Variants in ZC3H12D observed in about 807,000 individuals in gnomAD.
The protein encoded by ZC3H12D is zinc finger CCCH-type containing 12D.
In ZC3H12D, 11 loss-of-function variants were observed where a neutral mutation model predicts 24.2. That is an observed-to-expected ratio of 0.46 (90% CI 0.29 to 0.75). ZC3H12D has a LOEUF of 0.75. Among genes scored for constraint, ZC3H12D ranks in the 30% least tolerant of loss-of-function variants. The pLI, the probability that ZC3H12D is intolerant of heterozygous loss-of-function variation, is 0.11. For missense variants in ZC3H12D, 740 were observed against 767.7 expected, an observed-to-expected ratio of 0.96 and a Z score of 0.43; for synonymous variants, 333 against 341.8, an observed-to-expected ratio of 0.97 and a Z score of 0.28.
intron 4 of ZC3H12D, among the ~76,000 whole-genome samples, chr6:149,454,283 CATAA>C (rs972332517): frequency 6.6e-6 from 1 of 152,242 alleles, no homozygotes; most frequent in Non-Finnish European, 1.5e-5. Context: ...CCACTTTTTA[CATAA>C]ATACTTTTGT....
At chr6:149,482,225 T>G (rs576553569) in intron 1 of ZC3H12D, among the ~76,000 whole-genome samples, 1 of 152,230 alleles carries the variant, frequency 6.6e-6, no homozygotes, top group South Asian at 2.1e-4. Flanking sequence ...TTAAAACTTC[T>G]AAATACGGAA....
intron 2 of ZC3H12D, among the ~76,000 whole-genome samples, chr6:149,465,932 A>T (rs56383785): frequency 0.36 from 55,104 of 151,718 alleles, 10,532 homozygotes; most frequent in African/African-American, 0.46. Flanking sequence ...GACTGTGAAC[A>T]AGAGGCTGAA....
intron 2 of ZC3H12D, among the ~76,000 whole-genome samples, chr6:149,466,676 G>T (rs1050769507): frequency 6.6e-6 from 1 of 152,158 alleles, no homozygotes; most frequent in Non-Finnish European, 1.5e-5. Context: ...AGGAGTTCGA[G>T]ACCAGCCTAA....
In ZC3H12D at chr6:149,459,215, C is replaced by T. The variant is rs373280166; in HGVS notation, c.446-2315G>A. On this transcript the variant is annotated intron_variant, in intron 3 of 5. Coordinates refer to ENST00000409806, the MANE Select transcript of ZC3H12D (RefSeq NM_207360.3). ...CCCAAAGTAATTTCTCTACTTTTCC[C>T]ACATTATATTTAAGTATTACACTAC... is the stretch of plus-strand genomic sequence containing the variant. 8.5e-5 allele frequency among the ~76,000 whole-genome samples: 13 copies of T among 152,270 alleles called. 1 individual carries two copies. Among genetic ancestry groups the T allele is most frequent in the East Asian group, 5.8e-4 (3 of 5,192 alleles).
chr6:149,475,604 T>C (rs950476811), intron 1 of ZC3H12D, among the ~76,000 whole-genome samples: 1 of 151,940 alleles, frequency 6.6e-6, no homozygotes, highest in South Asian at 2.1e-4. Context: ...TAATCCCAGC[T>C]ACTTTGGAGG....
intron 1 of ZC3H12D, among the ~76,000 whole-genome samples, chr6:149,478,166 C>CAA (rs34745745): frequency 6.9e-5 from 8 of 116,760 alleles, no homozygotes; most frequent in Admixed American, 8.7e-5. Flanking sequence ...GACTCCATCT[C>CAA]AAAAAAAAAA....
chr6:149,457,016 C>G (rs905096383), intron 3 of ZC3H12D, 116 bp from the exon 4 acceptor site: 1 of 1,028,342 alleles, frequency 9.7e-7, no homozygotes, highest in Admixed American at 2.7e-5. Flanking sequence ...TTGAGGGGAG[C>G]GGGGAAAAAA....
rs772859875 is a variant in ZC3H12D, at chr6:149,450,946, G to A, written c.1321C>T (p.Pro441Ser). 9 of 1,537,868 alleles carry A rather than the reference G, an allele frequency of 5.9e-6. No homozygotes were observed. In the South Asian group the frequency reaches 7.2e-5, roughly 12 times the overall value. The change falls in exon 6 of 6, where the codon CCC (proline) becomes TCC (serine). Residue 441 changes from proline to serine, a missense_variant. Coordinates refer to ENST00000409806, the MANE Select transcript of ZC3H12D (RefSeq NM_207360.3). ...RPPDDPWARP[P>S]RSDRFPGRSV... ...CGCCCAGGGAAGCGGTCGGAGCGGG[G>A]TGGACGGGCCCACGGGTCGTCGGGT...
At chr6:149,474,124 C>A in intron 2 of ZC3H12D, 115 bp downstream of exon 2, 1 of 901,028 alleles carries the variant, frequency 1.1e-6, no homozygotes, top group Non-Finnish European at 1.6e-6. Context: ...GATTCAAAGC[C>A]TGATCCGTTG....
intron 2 of ZC3H12D, among the ~76,000 whole-genome samples, chr6:149,466,876 AAAAAT>A (rs149349012): frequency 0.29 from 40,557 of 142,220 alleles, 7,211 homozygotes; most frequent in Non-Finnish European, 0.39. Context: ...ACTCCATCTC[AAAAAT>A]AAAATAAAAT....
In ZC3H12D at chr6:149,446,809, G is replaced by T. The variant is rs1019206157; in HGVS notation, c.*3874C>A. 2 of 152,212 alleles carry T rather than the reference G, an allele frequency of 1.3e-5. No individual in the cohort carries two copies. Among genetic ancestry groups the T allele is most frequent in the African/African-American group, 4.8e-5 (2 of 41,450 alleles). 9.4% of individuals were successfully genotyped at this position (152,212 alleles called of 1,614,324 possible). ...TGAGCTCAATGTCAAACCAAAGCTG[G>T]ATCCATTTTATTTGGAAGAATGCCA... is the stretch of plus-strand genomic sequence containing the variant. On this transcript the variant is annotated 3_prime_UTR_variant, in exon 6 of 6. Coordinates refer to ENST00000409806, the MANE Select transcript of ZC3H12D (RefSeq NM_207360.3).
intron 1 of ZC3H12D, among the ~76,000 whole-genome samples, chr6:149,476,866 C>A (rs914212509): frequency 1.3e-5 from 2 of 152,096 alleles, no homozygotes; most frequent in African/African-American, 4.8e-5. Context: ...TGCTAGTTTA[C>A]CTGTTCTACT....
chr6:149,484,156 C>A (rs577068591), intron 1 of ZC3H12D, among the ~76,000 whole-genome samples: 1 of 152,176 alleles, frequency 6.6e-6, no homozygotes. Flanking sequence ...GGGCACCCCA[C>A]GATTGGCATT....
At chr6:149,482,329 G>C (rs1383658702) in intron 1 of ZC3H12D, among the ~76,000 whole-genome samples, 1 of 152,266 alleles carries the variant, frequency 6.6e-6, no homozygotes, top group Non-Finnish European at 1.5e-5. Flanking sequence ...CTGAGCTGCA[G>C]CTCTGCCAGC....
chr6:149,465,893 T>C (rs555548401), intron 2 of ZC3H12D, among the ~76,000 whole-genome samples: 7 of 146,822 alleles, frequency 4.8e-5, no homozygotes, highest in African/African-American at 7.8e-5. Flanking sequence ...AGCCCAACCA[T>C]AGGGGAGGGG....
rs1435479908 is a variant in ZC3H12D at position 149,456,469 on chromosome 6, CAGCAAGGTCAG to C, written c.680+186_680+196del. Among the ~76,000 whole-genome samples the C allele has an allele frequency of 2.6e-5, 4 of 152,058 alleles. No homozygotes were observed. The highest frequency in any genetic ancestry group is 4.4e-5 in the Non-Finnish European group (3 of 67,996). On this transcript the variant is annotated intron_variant, in intron 4 of 5. Coordinates refer to ENST00000409806, the MANE Select transcript of ZC3H12D (RefSeq NM_207360.3). This position sits in a 1 kb window ranked among gnomAD's most constrained non-coding sequence, Gnocchi z 4.3. ...GGTGTGTCAGATGTGGCCCTGGGAA[CAGCAAGGTCAG>C]AGCAAAGCAGCCCACCTATTGGGGA...
intron 1 of ZC3H12D, among the ~76,000 whole-genome samples, chr6:149,484,083 C>T (rs1300396471): frequency 6.6e-6 from 1 of 152,130 alleles, no homozygotes; most frequent in Non-Finnish European, 1.5e-5. Flanking sequence ...ATTTAAGCCC[C>T]GATCCACATC....
intron 2 of ZC3H12D, among the ~76,000 whole-genome samples, chr6:149,462,403 C>A (rs982773952): frequency 3.3e-5 from 5 of 149,258 alleles, no homozygotes; most frequent in South Asian, 2.1e-4. Flanking sequence ...CAAAAAAAAA[C>A]CACACACACA....
intron 1 of ZC3H12D, among the ~76,000 whole-genome samples, chr6:149,483,344 T>A (rs1776453749): frequency 6.6e-6 from 1 of 152,104 alleles, no homozygotes; most frequent in Admixed American, 6.5e-5. Flanking sequence ...ATATGTAACA[T>A]AAAATGTACC....
Sources: allele counts gnomAD v4.1 joint callset (sites outside exome capture counted in the v4.1 genomes callset), GRCh38; gene constraint gnomAD v4.1.1; non-coding constraint Gnocchi (gnomAD v3.1); transcripts MANE v1.5; gene names NCBI Gene and HGNC (gene_info 2026-07-23, HGNC 2026-07-21).